The following GALNT9 variants were observed in gnomAD, a reference collection of about 807,000 sequenced individuals.
GALNT9 encodes the protein polypeptide N-acetylgalactosaminyltransferase 9, also known as GalNAc transferase 9.
Under a neutral mutation model 63.1 loss-of-function variants are expected in GALNT9, and 47 were observed. That is an observed-to-expected ratio of 0.75 (90% CI 0.59 to 0.95). GALNT9 has a LOEUF of 0.95. Ranked by LOEUF, GALNT9 falls within the 40% of genes least tolerant of loss-of-function variation. The probability of loss-of-function intolerance (pLI) is 0.00; values close to 1 mark genes in which losing one functional copy is unlikely to be tolerated. For synonymous variants in GALNT9, 396 were observed against 365.7 expected (o/e 1.08, Z -0.94); for missense variants, 829 against 874.8 (o/e 0.95, Z 0.66).
intron 1 of GALNT9, among the ~76,000 whole-genome samples, chr12:132,292,040 G>A (rs59232942): frequency 0.11 from 16,443 of 152,090 alleles, 1,112 homozygotes; most frequent in African/African-American, 0.18. Flanking sequence ...GCCCTCACTC[G>A]GACCTCAGCT....
At chr12:132,255,470 T>C (rs1879072901) in intron 5 of GALNT9, among the ~76,000 whole-genome samples, 1 of 152,206 alleles carries the variant, frequency 6.6e-6, no homozygotes, top group Non-Finnish European at 1.5e-5. Context: ...TTAAGTCTGA[T>C]AAGAAACATT....
intron 1 of GALNT9, among the ~76,000 whole-genome samples, chr12:132,311,858 G>A (rs1191669974): frequency 1.3e-5 from 2 of 152,214 alleles, no homozygotes; most frequent in African/African-American, 4.8e-5. Flanking sequence ...AGCTACAGCA[G>A]GCAGAGTGTC....
rs1880400348 is a variant in GALNT9 at position 132,282,454 on chromosome 12, CAT to C, written c.419+3794_419+3795del. ...GCGTGCATGCGTGTGTGTGCGTGTG[CAT>C]GTGTGTGTGCACGCATGTGGTAATT... On this transcript the variant is annotated intron_variant, in intron 2 of 10. Transcript: ENST00000328957. The surrounding 1 kb of genome is among the most constrained non-coding windows in gnomAD (Gnocchi z 4.5). 2.6e-5 allele frequency among the ~76,000 whole-genome samples: 4 copies of C among 152,230 alleles called. No homozygotes were observed. Among genetic ancestry groups the C allele is most frequent in the African/African-American group, 4.8e-5 (2 of 41,538 alleles).
chr12:132,312,021 A>G (rs1881832594), intron 1 of GALNT9, among the ~76,000 whole-genome samples: 1 of 152,190 alleles, frequency 6.6e-6, no homozygotes, highest in Non-Finnish European at 1.5e-5. Flanking sequence ...TCCCAGCTTC[A>G]ATTTTATCCA....
At chr12:132,249,062 G>A (rs1276419346) in intron 5 of GALNT9, among the ~76,000 whole-genome samples, 7 of 152,222 alleles carry the variant, frequency 4.6e-5, no homozygotes, top group East Asian at 1.9e-4. Flanking sequence ...GGAAGGTGGC[G>A]GGGATTGAAA....
In GALNT9 at chr12:132,246,660, G is replaced by A. The variant is rs1356639572; in HGVS notation, c.1077+1250C>T. 6.6e-6 allele frequency among the ~76,000 whole-genome samples: 1 copy of A among 152,166 alleles called. No homozygotes were observed. The highest frequency in any genetic ancestry group is 1.5e-5 in the Non-Finnish European group (1 of 68,040). On this transcript the variant is annotated intron_variant, in intron 6 of 10. Transcript: ENST00000328957. The surrounding 1 kb of genome is among the most constrained non-coding windows in gnomAD (Gnocchi z 4.7). ...TGATTCTCCTGCCTCAGCCTCCTGAGTAGCTGGGATTATAGGCATGCACCA... is the reference window on the plus strand; with the variant it reads ...TGATTCTCCTGCCTCAGCCTCCTGAATAGCTGGGATTATAGGCATGCACCA...
intron 1 of GALNT9, among the ~76,000 whole-genome samples, chr12:132,317,799 G>A (rs919249669): frequency 6.6e-6 from 1 of 152,198 alleles, no homozygotes; most frequent in Non-Finnish European, 1.5e-5. Flanking sequence ...GAAGGAGGAG[G>A]GGTATCGGTG....
At position 132,197,236 on chromosome 12, in the gene GALNT9, G is replaced by A. The variant is rs202199950; in HGVS notation, c.1683C>T (p.Ser561=). Residue 561 remains serine, a synonymous_variant, in exon 11 of 11, where the codon AGC becomes AGT. Coordinates refer to ENST00000328957, the MANE Select transcript of GALNT9 (RefSeq NM_001122636.2). ...WDFTQSGPIV[S]RATGRCLEVE... is the part of the protein sequence containing the mutation. The stretch of plus-strand genomic sequence containing the variant: ...CCTCCAGGCAGCGGCCCGTGGCCCG[G>A]CTCACAATGGGGCCACTCTGTGGGG... The A allele has an allele frequency of 6.2e-6, 10 of 1,612,090 alleles. No individual in the cohort carries two copies. The African/African-American group carries it at 8.0e-5, about 13-fold the overall frequency.
rs1314993333 is a variant in GALNT9, at chr12:132,296,849, G to A, written c.239-10419C>T. ...ACACGCATTGGGGGCTGGGCGGGGG[G>A]AGGGTGGAACTCTTCCTTCCATCAG... is the stretch of plus-strand genomic sequence containing the variant. On this transcript the variant is annotated intron_variant, in intron 1 of 10. Transcript: ENST00000328957. The surrounding 1 kb of genome is among the most constrained non-coding windows in gnomAD (Gnocchi z 4.2). Among the ~76,000 whole-genome samples the A allele has an allele frequency of 6.6e-6, 1 of 150,598 alleles. No homozygotes were observed. Among genetic ancestry groups the A allele is most frequent in the Non-Finnish European group, 1.5e-5 (1 of 67,526 alleles).
rs2135533943 is a variant in GALNT9 at position 132,246,725 on chromosome 12, G to T, written c.1077+1185C>A. On this transcript the variant is annotated intron_variant, in intron 6 of 10. Coordinates refer to ENST00000328957, the MANE Select transcript of GALNT9 (RefSeq NM_001122636.2). This position sits in a 1 kb window ranked among gnomAD's most constrained non-coding sequence, Gnocchi z 4.7. Reference sequence around the variant, plus strand: ...TTTTTGTATTTTTAGTAGAGGCAGGGTTTTACCATACTGGTCAGGCTGGTC... The same window carrying T: ...TTTTTGTATTTTTAGTAGAGGCAGGTTTTTACCATACTGGTCAGGCTGGTC... Among the ~76,000 whole-genome samples, 1 of 152,250 alleles carries T rather than the reference G, an allele frequency of 6.6e-6. No individual in the cohort carries two copies. The highest frequency in any genetic ancestry group is 2.1e-4 in the South Asian group (1 of 4,828).
intron 2 of GALNT9, among the ~76,000 whole-genome samples, chr12:132,267,486 A>G (rs1593094125): frequency 6.6e-6 from 1 of 152,344 alleles, no homozygotes; most frequent in African/African-American, 2.4e-5. Context: ...CCAGCACCCC[A>G]GAGGGCTTCA....
Position 132,211,144 on chromosome 12 carries a change from G to A in GALNT9, c.1078-7454C>T, listed in dbSNP as rs149276835. 1.1e-4 allele frequency among the ~76,000 whole-genome samples: 17 copies of A among 152,212 alleles called. No homozygotes were observed. The East Asian group carries it at 2.9e-3, about 26-fold the overall frequency. On this transcript the variant is annotated intron_variant, in intron 6 of 10. Coordinates refer to ENST00000328957, the MANE Select transcript of GALNT9 (RefSeq NM_001122636.2). ...TGGGCTGCAAAGTTTTGCCTCATCC[G>A]CCACATTCACCTGACTTCTCGCCAA... is the stretch of plus-strand genomic sequence containing the variant.
At chr12:132,208,938 C>T (rs958360039) in intron 6 of GALNT9, among the ~76,000 whole-genome samples, 12 of 152,158 alleles carry the variant, frequency 7.9e-5, no homozygotes, top group African/African-American at 2.7e-4. Flanking sequence ...CAAGACAATC[C>T]GAGTTGATAC....
intron 1 of GALNT9, among the ~76,000 whole-genome samples, chr12:132,304,734 C>A (rs1254576450): frequency 1.8e-5 from 1 of 56,230 alleles, no homozygotes; most frequent in Non-Finnish European, 3.2e-5. Flanking sequence ...CCGGGGCACA[C>A]CCTCACCCAG....
At chr12:132,203,158 G>A (rs1312232646) in intron 7 of GALNT9, among the ~76,000 whole-genome samples, 1 of 152,192 alleles carries the variant, frequency 6.6e-6, no homozygotes, top group Non-Finnish European at 1.5e-5. Context: ...TGCTGTGCAG[G>A]GCACTAAGTG....
At chr12:132,230,581 G>C (rs1446797838) in intron 6 of GALNT9, among the ~76,000 whole-genome samples, 1 of 148,954 alleles carries the variant, frequency 6.7e-6, no homozygotes, top group Non-Finnish European at 1.5e-5. Context: ...CACTGCCAAG[G>C]CCGCGCCACC....
At chr12:132,208,942 T>C (rs10902513) in intron 6 of GALNT9, among the ~76,000 whole-genome samples, 67,368 of 152,006 alleles carry the variant, frequency 0.44, 15,689 homozygotes, top group Non-Finnish European at 0.51. Flanking sequence ...ACAATCCGAG[T>C]TGATACCCCT....
rs1458962308 is a variant in GALNT9, at chr12:132,279,192, T to A, written c.419+7058A>T. 2.0e-5 allele frequency: 3 copies of A among 152,252 alleles called. No individual in the cohort carries two copies. Among genetic ancestry groups the A allele is most frequent in the African/African-American group, 7.2e-5 (3 of 41,462 alleles). 9.4% of individuals were successfully genotyped at this position (152,252 alleles called of 1,614,324 possible). A position where few individuals can be genotyped will look rare whatever the true frequency, so the allele number is the denominator to read the frequency against. On this transcript the variant is annotated intron_variant, in intron 2 of 10. Coordinates refer to ENST00000328957, the MANE Select transcript of GALNT9 (RefSeq NM_001122636.2). This position sits in a 1 kb window ranked among gnomAD's most constrained non-coding sequence, Gnocchi z 4.1. The stretch of plus-strand genomic sequence containing the variant: ...GCTCCCTACAACGCGGATTTATTCT[T>A]ATTTCCCACAGGGAAGGCCTAACAA...
chr12:132,201,164 G>A lies in GALNT9; in HGVS notation c.1361C>T (p.Pro454Leu), dbSNP rs1346949776. 6.8e-6 allele frequency: 11 copies of A among 1,613,252 alleles called. No individual in the cohort carries two copies. The highest frequency in any genetic ancestry group is 9.3e-6 in the Non-Finnish European group (11 of 1,179,664). Residue 454 changes from proline (P) to leucine (L), a missense_variant, in exon 8 of 11, where the codon CCG (proline) becomes CTG (leucine). By Grantham distance (98) the Pro-to-Leu change is moderately conservative. Coordinates refer to ENST00000328957, the MANE Select transcript of GALNT9 (RefSeq NM_001122636.2). Reference sequence around the variant, plus strand: ...GGTGTTGTTGTAGACCCTCATCTCCGGGTACACGTTCTCCAGGTACCACTT... The same window carrying A: ...GGTGTTGTTGTAGACCCTCATCTCCAGGTACACGTTCTCCAGGTACCACTT... ...SFKWYLENVY[P>L]EMRVYNNTLT...
Sources: allele counts gnomAD v4.1 joint callset (sites outside exome capture counted in the v4.1 genomes callset), GRCh38; gene constraint gnomAD v4.1.1; non-coding constraint Gnocchi (gnomAD v3.1); transcripts MANE v1.5; gene names NCBI Gene and HGNC (gene_info 2026-07-23, HGNC 2026-07-21).